The following DCC variants were observed in gnomAD, a reference collection of about 807,000 sequenced individuals.
DCC encodes netrin receptor DCC.
In DCC, 58 loss-of-function variants were observed where a neutral mutation model predicts 172.5. That is an observed-to-expected ratio of 0.34 (90% confidence interval 0.27 to 0.42). The LOEUF is 0.42. DCC is among the 10% of genes least tolerant of loss of function. The probability of loss-of-function intolerance (pLI) is 1.00; values close to 1 mark genes in which losing one functional copy is unlikely to be tolerated. For missense variants in DCC, 1,740 were observed against 1,791.0 expected, an observed-to-expected ratio of 0.97 and a Z score of 0.51; for synonymous variants, 709 against 644.5, an observed-to-expected ratio of 1.10 and a Z score of -1.52.
rs545212275 is a variant in DCC at position 53,319,551 on chromosome 18, G to T, written c.2054-2496G>T. On this transcript the variant is annotated intron_variant, in intron 13 of 28. Transcript: ENST00000442544. ...TAACTTCAAGTTGTTAGCAGACTTTGCTTTGCTTAAAACAGGTATATCAGT... is the reference window on the plus strand; with the variant it reads ...TAACTTCAAGTTGTTAGCAGACTTTTCTTTGCTTAAAACAGGTATATCAGT... Among the ~76,000 whole-genome samples, 106 of 152,320 alleles carry T rather than the reference G, an allele frequency of 7.0e-4. No individual in the cohort carries two copies. The South Asian group carries it at 0.013, about 19-fold the overall frequency.
chr18:53,364,571 G>T (rs768579297), intron 15 of DCC, among the ~76,000 whole-genome samples: 1 of 151,934 alleles, frequency 6.6e-6, no homozygotes, highest in African/African-American at 2.4e-5. Context: ...AACCTTCATC[G>T]ACCATTAAGT....
chr18:53,177,377 T>C (rs899855662), intron 8 of DCC, among the ~76,000 whole-genome samples: 4 of 152,118 alleles, frequency 2.6e-5, no homozygotes, highest in African/African-American at 9.7e-5. Flanking sequence ...TAACGTCCCA[T>C]TCTCCCATCA....
chr18:53,240,763 A>G (rs1307883260), intron 12 of DCC, among the ~76,000 whole-genome samples: 4 of 152,136 alleles, frequency 2.6e-5, no homozygotes, highest in South Asian at 4.1e-4. Flanking sequence ...ATCATTTAAT[A>G]TTTCCATTTT....
chr18:52,686,503 G>A (rs2035837982), intron 1 of DCC, among the ~76,000 whole-genome samples: 1 of 152,026 alleles, frequency 6.6e-6, no homozygotes, highest in Non-Finnish European at 1.5e-5. Context: ...TTTTGGAATT[G>A]AGGTAATGTT....
chr18:52,376,770 C>T (rs1283901464), intron 1 of DCC, among the ~76,000 whole-genome samples: 2 of 152,214 alleles, frequency 1.3e-5, no homozygotes, highest in Middle Eastern at 3.4e-3. Context: ...CAGCACTTAG[C>T]ACATGCTTTG....
rs1349405156 is a variant in DCC at position 52,658,437 on chromosome 18, G to T, written c.92-93617G>T. On this transcript the variant is annotated intron_variant, in intron 1 of 28. Coordinates refer to ENST00000442544, the MANE Select transcript of DCC (RefSeq NM_005215.4). ...TAAAACTTTTAATCTAAATAACCCT[G>T]GGCACATTATGGGCCCCATTTACCT... Among the ~76,000 whole-genome samples the T allele has an allele frequency of 2.6e-5, 4 of 151,954 alleles. No individual in the cohort carries two copies. In the East Asian group the frequency reaches 7.7e-4, roughly 29 times the overall value.
chr18:53,001,531 T>C (rs1314612800), intron 5 of DCC, among the ~76,000 whole-genome samples: 2 of 152,144 alleles, frequency 1.3e-5, no homozygotes, highest in East Asian at 3.9e-4. Context: ...CACTTTTGCA[T>C]TTGAAAATAA....
At chr18:53,375,083 TG>T (rs2058096344) in intron 15 of DCC, among the ~76,000 whole-genome samples, 1 of 152,298 alleles carries the variant, frequency 6.6e-6, no homozygotes, top group African/African-American at 2.4e-5. Flanking sequence ...ATCTCCTGAA[TG>T]GGGACAATCA....
chr18:52,608,573 A>T (rs950891850), intron 1 of DCC, among the ~76,000 whole-genome samples: 2 of 152,190 alleles, frequency 1.3e-5, no homozygotes, highest in African/African-American at 4.8e-5. Context: ...ACTGGAAGTT[A>T]ATTTCCCAGA....
intron 15 of DCC, among the ~76,000 whole-genome samples, chr18:53,349,285 C>G (rs934339549): frequency 6.6e-6 from 1 of 152,184 alleles, no homozygotes; most frequent in Non-Finnish European, 1.5e-5. Flanking sequence ...CAGTTCCCAA[C>G]AAGTTCCTCA....
At chr18:52,781,269 A>C (rs1294815280) in intron 2 of DCC, among the ~76,000 whole-genome samples, 1 of 152,136 alleles carries the variant, frequency 6.6e-6, no homozygotes. Flanking sequence ...TCATAGAATT[A>C]TTTTATGGCC....
In DCC at chr18:52,910,133, C is replaced by T. The variant is rs578252514; in HGVS notation, c.697+3805C>T. 2.0e-5 allele frequency among the ~76,000 whole-genome samples: 3 copies of T among 152,180 alleles called. No individual in the cohort carries two copies. The South Asian group carries it at 6.2e-4, about 32-fold the overall frequency. On this transcript the variant is annotated intron_variant, in intron 3 of 28. Coordinates refer to ENST00000442544, the MANE Select transcript of DCC (RefSeq NM_005215.4). The stretch of plus-strand genomic sequence containing the variant: ...CCTGGAGAGAATTGACCAAAAGCAG[C>T]TACTAAGGCAACATCAGAGAAGATC...
intron 13 of DCC, among the ~76,000 whole-genome samples, chr18:53,315,897 T>C (rs574422750): frequency 6.6e-6 from 1 of 152,242 alleles, no homozygotes; most frequent in Non-Finnish European, 1.5e-5. Context: ...TTAAAAAAAT[T>C]TTTCTCCCAT....
intron 1 of DCC, among the ~76,000 whole-genome samples, chr18:52,615,088 A>C (rs1288222362): frequency 1.3e-5 from 2 of 152,178 alleles, no homozygotes; most frequent in Non-Finnish European, 2.9e-5. Context: ...ATAGCTGCAA[A>C]TCATGGAATC....
Position 53,416,264 on chromosome 18 carries a change from G to A in DCC, c.3163+108G>A, listed in dbSNP as rs745480257. 24 of 813,840 alleles carry A rather than the reference G, an allele frequency of 2.9e-5. No individual in the cohort carries two copies. The African/African-American group carries it at 3.9e-4, about 13-fold the overall frequency. 50.4% of individuals were successfully genotyped at this position (813,840 alleles called of 1,614,324 possible). On this transcript the variant is annotated intron_variant, in intron 21 of 28. Coordinates refer to ENST00000442544, the MANE Select transcript of DCC (RefSeq NM_005215.4). ...TTTTCACCTGGACCATACACCTGAT[G>A]AAGCAGACACTGGCGTGACGATTAA...
At chr18:52,607,972 T>C (rs184937461) in intron 1 of DCC, among the ~76,000 whole-genome samples, 156 of 152,268 alleles carry the variant, frequency 1.0e-3, no homozygotes, top group African/African-American at 3.5e-3. Context: ...GGCATAAATG[T>C]AGGAATGATA....
chr18:53,460,080 A>G (rs2045533705), intron 24 of DCC, among the ~76,000 whole-genome samples: 1 of 145,668 alleles, frequency 6.9e-6, no homozygotes, highest in South Asian at 2.1e-4. Context: ...AAAAAAGCCT[A>G]CTGTTCAATG....
intron 12 of DCC, among the ~76,000 whole-genome samples, chr18:53,217,009 C>A (rs918056349): frequency 2.6e-5 from 4 of 152,010 alleles, no homozygotes; most frequent in Non-Finnish European, 5.9e-5. Context: ...TCTTGTTTAA[C>A]AATTCATCAT....
intron 1 of DCC, among the ~76,000 whole-genome samples, chr18:52,641,275 T>C (rs1045095117): frequency 4.6e-5 from 7 of 152,126 alleles, no homozygotes; most frequent in Non-Finnish European, 8.8e-5. Context: ...AAGACAACAT[T>C]GGAAAACCCC....
Sources: allele counts gnomAD v4.1 joint callset (sites outside exome capture counted in the v4.1 genomes callset), GRCh38; gene constraint gnomAD v4.1.1; transcripts MANE v1.5; gene names NCBI Gene and HGNC (gene_info 2026-07-23, HGNC 2026-07-21).